The following HYCC2 variants were observed in gnomAD, a reference collection of about 807,000 sequenced individuals.
HYCC2 encodes the protein hyccin PI4KA lipid kinase complex subunit 2.
At chr2:201,063,347 A>AAG in the HYCC2 span, 3 of 1,564,038 alleles carry the variant, frequency 1.9e-6, no homozygotes, top group African/African-American at 4.0e-5. Flanking sequence ...CGTGGAACCA[A>AAG]AGAGAGCTGT....
chr2:200,988,247 G>A, the HYCC2 span: 1 of 1,592,162 alleles, frequency 6.3e-7, no homozygotes, highest in East Asian at 2.3e-5. Flanking sequence ...TGGACTATGG[G>A]GATTTTGTAC....
chr2:201,014,665 A>G, the HYCC2 span, among the ~76,000 whole-genome samples: 2 of 152,190 alleles, frequency 1.3e-5, no homozygotes, highest in Admixed American at 6.5e-5. Context: ...CTAGAGATGG[A>G]AATGTTTGCT....
the HYCC2 span, among the ~76,000 whole-genome samples, chr2:200,982,903 G>A: frequency 7.2e-5 from 11 of 151,976 alleles, no homozygotes; most frequent in Non-Finnish European, 1.6e-4. Context: ...GATTACAGGC[G>A]TGTGTCACCA....
At chr2:201,037,838 A>C in the HYCC2 span, among the ~76,000 whole-genome samples, 1 of 152,166 alleles carries the variant, frequency 6.6e-6, no homozygotes, top group Admixed American at 6.5e-5. Context: ...ATGGGCAAGG[A>C]CTTCATGTCT....
chr2:201,003,815 T>G, the HYCC2 span, among the ~76,000 whole-genome samples: 1 of 137,952 alleles, frequency 7.2e-6, no homozygotes, highest in South Asian at 2.3e-4. Context: ...CTTTTTTTTT[T>G]TTTTTTTTTT....
the HYCC2 span, among the ~76,000 whole-genome samples, chr2:201,010,783 A>G: frequency 6.6e-6 from 1 of 151,862 alleles, no homozygotes; most frequent in African/African-American, 2.4e-5. Flanking sequence ...TTATTTAAAA[A>G]ATTAAAAATA....
chr2:201,031,812 T>C, the HYCC2 span, among the ~76,000 whole-genome samples: 1 of 152,338 alleles, frequency 6.6e-6, no homozygotes, highest in South Asian at 2.1e-4. Flanking sequence ...ATTGTTCTAA[T>C]ACATTGTTTG....
chr2:201,055,895 T>C, the HYCC2 span, among the ~76,000 whole-genome samples: 25,724 of 151,518 alleles, frequency 0.17, 2,360 homozygotes, highest in African/African-American at 0.21. Flanking sequence ...ACCCTATCTC[T>C]AAAATAAAAA....
At chr2:201,009,060 G>A in the HYCC2 span, 1 of 1,613,644 alleles carries the variant, frequency 6.2e-7, no homozygotes, top group Non-Finnish European at 8.5e-7. Context: ...TGCCCCTTCT[G>A]TCAAAGCCAT....
At chr2:201,046,857 T>C in the HYCC2 span, among the ~76,000 whole-genome samples, 1 of 152,334 alleles carries the variant, frequency 6.6e-6, no homozygotes, top group African/African-American at 2.4e-5. Flanking sequence ...GAACACTGCA[T>C]AGCACCTCTA....
the HYCC2 span, among the ~76,000 whole-genome samples, chr2:201,054,763 T>C: frequency 6.6e-6 from 1 of 152,210 alleles, no homozygotes; most frequent in Admixed American, 6.5e-5. Flanking sequence ...ATTGGATATA[T>C]AACCTATTTA....
the HYCC2 span, among the ~76,000 whole-genome samples, chr2:200,984,631 TC>T: frequency 6.6e-6 from 1 of 152,212 alleles, no homozygotes; most frequent in Admixed American, 6.5e-5. Flanking sequence ...ACGCCTGTAA[TC>T]CCAACATTTT....
chr2:200,992,774 G>T, the HYCC2 span: 1 of 711,108 alleles, frequency 1.4e-6, no homozygotes. Context: ...AACAAGATAA[G>T]CCCATCATGG....
chr2:201,041,928 T>C, the HYCC2 span, among the ~76,000 whole-genome samples: 3 of 152,100 alleles, frequency 2.0e-5, no homozygotes, highest in Non-Finnish European at 4.4e-5. Context: ...ATTTGAAAAA[T>C]AGAATAGTCT....
At chr2:201,062,652 CAAAA>C in the HYCC2 span, among the ~76,000 whole-genome samples, 1 of 81,830 alleles carries the variant, frequency 1.2e-5, no homozygotes, top group Non-Finnish European at 2.6e-5. Flanking sequence ...CTCTGTCTCA[CAAAA>C]AAAAAAAAAA....
At chr2:200,989,475 T>G in the HYCC2 span, among the ~76,000 whole-genome samples, 1 of 152,178 alleles carries the variant, frequency 6.6e-6, no homozygotes, top group African/African-American at 2.4e-5. Flanking sequence ...AATAAATTTA[T>G]ATTTAGCTTA....
the HYCC2 span, among the ~76,000 whole-genome samples, chr2:201,006,817 T>C: frequency 2.6e-5 from 4 of 152,152 alleles, no homozygotes; most frequent in African/African-American, 9.7e-5. Flanking sequence ...GTCATATGTA[T>C]TGGAAATTGA....
At chr2:200,981,802 C>T in the HYCC2 span, 3 of 1,613,952 alleles carry the variant, frequency 1.9e-6, no homozygotes, top group Non-Finnish European at 2.5e-6. The surrounding 1 kb of genome is among the most constrained non-coding windows in gnomAD (Gnocchi z 4.5). Context: ...GAGGGAAGCC[C>T]CTGATGAAAA....
the HYCC2 span, among the ~76,000 whole-genome samples, chr2:201,060,690 A>G: frequency 6.6e-6 from 1 of 152,180 alleles, no homozygotes; most frequent in Admixed American, 6.5e-5. Flanking sequence ...GTTATTTCTT[A>G]TCTCTGTTTC....
Sources: gnomAD v4.1 joint callset for allele counts (sites outside exome capture counted in the v4.1 genomes callset) on GRCh38, gnomAD v4.1.1 for gene constraint, Gnocchi (gnomAD v3.1) non-coding constraint, MANE v1.5 for transcripts, NCBI Gene and HGNC (gene_info 2026-07-23, HGNC 2026-07-21) for gene names.